The following NMRK2 variants were observed in gnomAD, a reference collection of about 807,000 sequenced individuals.
NMRK2 encodes the protein NRK 2.
A neutral mutation model predicts 24.7 loss-of-function variants in NMRK2; 34 were observed. The observed-to-expected ratio is 1.37, with a 90% CI of 1.05 to 1.83. The LOEUF is 1.83. Among genes scored for constraint, NMRK2 ranks in the 40% most tolerant of loss-of-function variants. The pLI is 0.00. For synonymous variants in NMRK2, 145 were observed against 125.6 expected, an observed-to-expected ratio of 1.15 and a Z score of -1.03; for missense variants, 341 against 315.0, an observed-to-expected ratio of 1.08 and a Z score of -0.62.
intron 2 of NMRK2, among the ~76,000 whole-genome samples, chr19:3,935,285 T>G (rs1430511173): frequency 7.1e-6 from 1 of 141,020 alleles, no homozygotes; most frequent in Non-Finnish European, 1.5e-5. Context: ...AGACAAAATC[T>G]CGTTCTGTCA....
chr19:3,933,368 G>T, intron 1 of NMRK2, 90 bp from the exon 2 acceptor site: 2 of 446,042 alleles, frequency 4.5e-6, no homozygotes, highest in Non-Finnish European at 8.0e-6. Context: ...GGAGAGGGGA[G>T]GAGGGAGTGG....
At chr19:3,937,714 G>A (rs12978913) in intron 4 of NMRK2, among the ~76,000 whole-genome samples, 1 of 40,952 alleles carries the variant, frequency 2.4e-5, no homozygotes, top group Admixed American at 2.8e-4. Flanking sequence ...CTCCTGCAAT[G>A]CCCGCTCCCC....
Position 3,941,158 on chromosome 19 carries a change from G to A in NMRK2, c.483G>A (p.Glu161=). Residue 161 remains glutamate (E), a synonymous_variant, in exon 7 of 8, where the codon GAG becomes GAA. Transcript: ENST00000168977. ...PMYQKYRQEM[E]ANGVEVVYLD... is the part of the protein sequence containing the mutation. ...ACCAGAAGTATAGGCAGGAGATGGAGGCCAACGGTGTGGAAGTGGGTAAGC... is the reference window on the plus strand; with the variant it reads ...ACCAGAAGTATAGGCAGGAGATGGAAGCCAACGGTGTGGAAGTGGGTAAGC... The A allele has an allele frequency of 6.2e-7, 1 of 1,612,964 alleles. No homozygotes were observed. The highest frequency in any genetic ancestry group is 8.5e-7 in the Non-Finnish European group (1 of 1,179,156).
intron 3 of NMRK2, 99 bp downstream of exon 3, chr19:3,936,764 G>C: frequency 1.0e-6 from 1 of 988,898 alleles, no homozygotes; most frequent in Non-Finnish European, 1.5e-6. Flanking sequence ...GCCCGTGTGG[G>C]CTGGGCACTG....
intron 5 of NMRK2, 122 bp from the exon 6 acceptor site, chr19:3,939,778 C>T (rs1035054556): frequency 5.2e-6 from 4 of 771,922 alleles, no homozygotes; most frequent in Non-Finnish European, 8.7e-6. Flanking sequence ...CCTAAACTCA[C>T]TGGCCCAGAC....
intron 5 of NMRK2, 60 bp downstream of exon 5, chr19:3,938,819 C>CGTT (rs2039267583): frequency 3.0e-6 from 1 of 329,202 alleles, no homozygotes; most frequent in Non-Finnish European, 4.7e-6. Flanking sequence ...ATAGCCATCT[C>CGTT]TTGTTTTTTT....
intron 2 of NMRK2, among the ~76,000 whole-genome samples, chr19:3,935,244 C>T (rs1000587207): frequency 2.0e-4 from 29 of 147,746 alleles, no homozygotes; most frequent in African/African-American, 1.2e-4. Context: ...CCTCTTTTTC[C>T]GTCAGTCTTT....
chr19:3,933,568 C>T lies in NMRK2; in HGVS notation c.-104C>T. 7.1e-7 allele frequency: 1 copy of T among 1,400,282 alleles called. No individual in the cohort carries two copies. The highest frequency in any genetic ancestry group is 9.6e-7 in the Non-Finnish European group (1 of 1,045,020). 86.7% of individuals were successfully genotyped at this position (1,400,282 alleles called of 1,614,324 possible). ...CAGGCTGCCGAGACCTATAAAGGCG[C>T]CAGGTTTTCTCAATGAAGCCGGGAC... On this transcript the variant is annotated 5_prime_UTR_variant, in exon 2 of 8. Coordinates refer to ENST00000168977, the MANE Select transcript of NMRK2 (RefSeq NM_170678.3).
intron 7 of NMRK2, among the ~76,000 whole-genome samples, chr19:3,941,746 C>T (rs557216995): frequency 6.6e-6 from 1 of 152,154 alleles, no homozygotes; most frequent in African/African-American, 2.4e-5. Flanking sequence ...GGGTTCAAGC[C>T]TTTCCCCTGC....
intron 2 of NMRK2, among the ~76,000 whole-genome samples, chr19:3,935,083 C>T (rs1029314300): frequency 1.3e-5 from 2 of 151,872 alleles, no homozygotes; most frequent in African/African-American, 2.4e-5. Flanking sequence ...GGGAGTCTCA[C>T]TATGTTGCCT....
intron 3 of NMRK2, 60 bp from the exon 4 acceptor site, chr19:3,937,180 C>T: frequency 1.3e-6 from 2 of 1,583,138 alleles, no homozygotes; most frequent in Non-Finnish European, 1.7e-6. Flanking sequence ...CTCCATCACC[C>T]AGGCCGGGGG....
intron 2 of NMRK2, among the ~76,000 whole-genome samples, chr19:3,935,531 C>T (rs1354821145): frequency 6.6e-6 from 1 of 152,028 alleles, no homozygotes; most frequent in Non-Finnish European, 1.5e-5. Flanking sequence ...GCTGAGATTA[C>T]AGGCATGACC....
At chr19:3,941,218 G>T in intron 7 of NMRK2, 41 bp downstream of exon 7, 6 of 1,032,672 alleles carry the variant, frequency 5.8e-6, no homozygotes, top group South Asian at 2.7e-5. Context: ...CCGGGCGGGC[G>T]GGGGGGACCC....
intron 6 of NMRK2, among the ~76,000 whole-genome samples, chr19:3,940,442 C>T (rs2039311327): frequency 6.6e-6 from 1 of 151,222 alleles, no homozygotes; most frequent in Non-Finnish European, 1.5e-5. Flanking sequence ...AGTTCGAGAC[C>T]AGCCTGGCCA....
intron 6 of NMRK2, among the ~76,000 whole-genome samples, 192 bp downstream of exon 6, chr19:3,940,163 A>G (rs2039305119): frequency 6.6e-6 from 1 of 151,782 alleles, no homozygotes; most frequent in South Asian, 2.1e-4. Flanking sequence ...CCTGGCCAAC[A>G]TGGTGAAACC....
intron 2 of NMRK2, among the ~76,000 whole-genome samples, chr19:3,936,180 C>A (rs2039209386): frequency 8.1e-6 from 1 of 123,786 alleles, no homozygotes; most frequent in Non-Finnish European, 1.8e-5. Flanking sequence ...CATTGTACTC[C>A]AGCCTGGGCA....
chr19:3,936,660 T>G lies in NMRK2; in HGVS notation c.112T>G (p.Phe38Val). ...CTGCGTGATCCATCAGGATGACTTC[T>G]TCAAGGTGCCCGCCCTTGCCCGGGG... ...NCCVIHQDDF[F>V]KPQDQIAVGE... Residue 38 changes from phenylalanine (F) to valine (V), a missense_variant, in exon 3 of 8, where the codon TTC (phenylalanine) becomes GTC (valine). Phe to Val is a conservative substitution (Grantham distance 50). Coordinates refer to ENST00000168977, the MANE Select transcript of NMRK2 (RefSeq NM_170678.3). 1 of 1,564,428 alleles carries G rather than the reference T, an allele frequency of 6.4e-7. No homozygotes were observed. The highest frequency in any genetic ancestry group is 8.7e-7 in the Non-Finnish European group (1 of 1,154,720).
chr19:3,933,746 G>A (rs1180471447), intron 2 of NMRK2, 49 bp downstream of exon 2: 3 of 1,375,500 alleles, frequency 2.2e-6, no homozygotes, highest in Non-Finnish European at 9.4e-7. Context: ...AAAGCCCCCT[G>A]TGCGCGCAGA....
In NMRK2 at chr19:3,938,585, C is replaced by T. The variant is rs369358142; in HGVS notation, c.167-18C>T. 3.9e-5 allele frequency: 61 copies of T among 1,547,360 alleles called. No individual in the cohort carries two copies. The highest frequency in any genetic ancestry group is 5.0e-5 in the Non-Finnish European group (57 of 1,143,030). ...CCCAGGGTCTGCCCTCCTGCAATGC[C>T]TGCTCCCCTTTCCCCAGTGCTGGAG... is the stretch of plus-strand genomic sequence containing the variant. On this transcript the variant is annotated intron_variant, in intron 4 of 7. Coordinates refer to ENST00000168977, the MANE Select transcript of NMRK2 (RefSeq NM_170678.3).
Sources: gnomAD v4.1 joint callset for allele counts (sites outside exome capture counted in the v4.1 genomes callset) on GRCh38, gnomAD v4.1.1 for gene constraint, MANE v1.5 for transcripts, NCBI Gene and HGNC (gene_info 2026-07-23, HGNC 2026-07-21) for gene names.